The following SLC4A4 variants were observed in gnomAD, a reference collection of about 807,000 sequenced individuals.
SLC4A4 encodes the protein electrogenic sodium bicarbonate cotransporter 1.
A neutral mutation model predicts 111.5 loss-of-function variants in SLC4A4; 27 were observed. That is an observed-to-expected ratio of 0.24 (90% confidence interval 0.18 to 0.33). SLC4A4 has a LOEUF of 0.33. SLC4A4 is among the 10% of genes least tolerant of loss of function. SLC4A4 has a pLI of 1.00. For synonymous variants in SLC4A4, 443 were observed against 463.4 expected, an observed-to-expected ratio of 0.96 and a Z score of 0.57; for missense variants, 909 against 1,315.5, an observed-to-expected ratio of 0.69 and a Z score of 4.78.
chr4:71,492,759 C>T (rs2149140963), intron 15 of SLC4A4, among the ~76,000 whole-genome samples: 1 of 152,020 alleles, frequency 6.6e-6, no homozygotes, highest in South Asian at 2.1e-4. Context: ...TTTTGCTGTC[C>T]TTCTGCTCTT....
intron 25 of SLC4A4, 64 bp from the exon 26 acceptor site, chr4:71,567,724 A>T: frequency 1.3e-6 from 1 of 748,720 alleles, no homozygotes. Flanking sequence ...CAATGCATAA[A>T]CATTTGACAG....
At chr4:71,236,693 G>A (rs1280228399) in intron 2 of SLC4A4, 44 bp downstream of exon 2, 8 of 1,454,296 alleles carry the variant, frequency 5.5e-6, no homozygotes, top group Non-Finnish European at 7.7e-6. Flanking sequence ...ACATACATAT[G>A]TCTCTATAGA....
intron 3 of SLC4A4, among the ~76,000 whole-genome samples, chr4:71,277,300 A>G (rs1387739253): frequency 6.6e-6 from 1 of 152,148 alleles, no homozygotes; most frequent in African/African-American, 2.4e-5. Context: ...TCTCACCAGC[A>G]TTTAGAATTA....
At chr4:71,360,980 A>G (rs530176492) in intron 6 of SLC4A4, among the ~76,000 whole-genome samples, 9 of 152,308 alleles carry the variant, frequency 5.9e-5, no homozygotes, top group Admixed American at 5.2e-4. Context: ...CTGGTAGTAC[A>G]GGCTTCCTGC....
intron 2 of SLC4A4, among the ~76,000 whole-genome samples, chr4:71,245,738 A>G (rs1014229399): frequency 1.3e-5 from 2 of 152,142 alleles, no homozygotes; most frequent in Non-Finnish European, 2.9e-5. Flanking sequence ...TCCTAGGCAT[A>G]TAGCTAGCAT....
chr4:71,265,316 T>G (rs1446303841), intron 3 of SLC4A4, among the ~76,000 whole-genome samples: 1 of 152,104 alleles, frequency 6.6e-6, no homozygotes, highest in Non-Finnish European at 1.5e-5. Context: ...GAAAAAGAAA[T>G]CAATCAGGGC....
At chr4:71,357,333 T>A in intron 6 of SLC4A4, 146 bp downstream of exon 6, 1 of 830,054 alleles carries the variant, frequency 1.2e-6, no homozygotes, top group Non-Finnish European at 1.9e-6. Flanking sequence ...TTGACATTTT[T>A]AATCCAGTTG....
intron 2 of SLC4A4, among the ~76,000 whole-genome samples, chr4:71,127,914 G>A (rs775836801): frequency 6.6e-5 from 10 of 152,166 alleles, no homozygotes; most frequent in Non-Finnish European, 1.3e-4. Flanking sequence ...TTTGAGTCCA[G>A]AAGTTTGAGA....
At position 71,422,787 on chromosome 4, in the gene SLC4A4, A is replaced by C. The variant is rs535535212; in HGVS notation, c.808-17829A>C. Among the ~76,000 whole-genome samples the C allele has an allele frequency of 4.6e-5, 7 of 152,170 alleles. No individual in the cohort carries two copies. In the East Asian group the frequency reaches 1.2e-3, roughly 25 times the overall value. On this transcript the variant is annotated intron_variant, in intron 7 of 25. Transcript: ENST00000264485. ...AAAAGGCCTTTGACAAAATTCAACAACCCTTCATGCTGAAAACTCTCAATA... is the reference window on the plus strand; with the variant it reads ...AAAAGGCCTTTGACAAAATTCAACACCCCTTCATGCTGAAAACTCTCAATA...
intron 2 of SLC4A4, among the ~76,000 whole-genome samples, chr4:71,109,276 T>A (rs947161514): frequency 6.6e-6 from 1 of 152,166 alleles, no homozygotes; most frequent in African/African-American, 2.4e-5. Context: ...CCCCCATATA[T>A]GTAGTTGCTT....
chr4:71,362,038 A>T (rs976428281), intron 6 of SLC4A4, among the ~76,000 whole-genome samples: 1 of 152,082 alleles, frequency 6.6e-6, no homozygotes. Context: ...TTGAGACCTG[A>T]CTTTAAGGAC....
intron 6 of SLC4A4, among the ~76,000 whole-genome samples, chr4:71,357,878 A>G (rs566291613): frequency 6.6e-6 from 1 of 152,288 alleles, no homozygotes; most frequent in South Asian, 2.1e-4. Context: ...TTTCAAATAA[A>G]TTTCATGATT....
chr4:71,476,166 G>A (rs1012513134), intron 14 of SLC4A4, among the ~76,000 whole-genome samples: 1 of 151,768 alleles, frequency 6.6e-6, no homozygotes, highest in Non-Finnish European at 1.5e-5. Context: ...TAATGATTGT[G>A]TATCTCCCCC....
At chr4:71,366,703 C>A (rs1322442100) in intron 6 of SLC4A4, among the ~76,000 whole-genome samples, 1 of 152,094 alleles carries the variant, frequency 6.6e-6, no homozygotes, top group Non-Finnish European at 1.5e-5. Flanking sequence ...ACAAGGCATA[C>A]ATAATATATC....
chr4:71,071,294 A>G lies in SLC4A4; in HGVS notation c.-65+8506A>G, dbSNP rs1485386974. On this transcript the variant is annotated intron_variant, in intron 1 of 26. Transcript: ENST00000649996. The stretch of plus-strand genomic sequence containing the variant: ...AAAAAAAAAAAAAGGAAAGAAGAAG[A>G]AGAAAAAAGCTGTGTTTTGGTTCTA... 4.6e-5 allele frequency among the ~76,000 whole-genome samples: 7 copies of G among 151,310 alleles called. No individual in the cohort carries two copies. In the East Asian group the frequency reaches 1.4e-3, roughly 29 times the overall value.
intron 2 of SLC4A4, among the ~76,000 whole-genome samples, chr4:71,156,584 G>GCACACACACA (rs1197617607): frequency 1.7e-4 from 19 of 112,494 alleles, no homozygotes; most frequent in African/African-American, 6.2e-4. Context: ...GCGCGCGCGC[G>GCACACACACA]CGCGCACACA....
At position 71,253,659 on chromosome 4, in the gene SLC4A4, T is replaced by C. The variant is rs74769681; in HGVS notation, c.74-1561T>C. ...ATTGACACTGTTTCTTAATTCACAT[T>C]GTTTCTGAGACATTTCCTACTTCCT... On this transcript the variant is annotated intron_variant, in intron 2 of 25. Transcript: ENST00000264485. Among the ~76,000 whole-genome samples the C allele has an allele frequency of 8.1e-3, 1,230 of 152,294 alleles. 10 individuals are homozygous for C. Among genetic ancestry groups the C allele is most frequent in the Middle Eastern group, 0.017 (5 of 292 alleles).
At chr4:71,498,803 T>G (rs1485597232) in intron 16 of SLC4A4, among the ~76,000 whole-genome samples, 1 of 152,114 alleles carries the variant, frequency 6.6e-6, no homozygotes, top group East Asian at 1.9e-4. Context: ...CAGAAAGAAT[T>G]CAACCCACAG....
chr4:71,330,487 G>C (rs1036624012), intron 3 of SLC4A4, among the ~76,000 whole-genome samples: 2 of 152,170 alleles, frequency 1.3e-5, no homozygotes, highest in Non-Finnish European at 2.9e-5. Context: ...ATGGGGAAAG[G>C]ATTCCCTATT....
Sources: allele counts gnomAD v4.1 joint callset (sites outside exome capture counted in the v4.1 genomes callset), GRCh38; gene constraint gnomAD v4.1.1; transcripts MANE v1.5; gene names NCBI Gene and HGNC (gene_info 2026-07-23, HGNC 2026-07-21).